SOX5: variants seen among roughly 807,000 people sequenced by gnomAD.
SOX5 encodes transcription factor SOX-5.
A neutral mutation model predicts 92.0 loss-of-function variants in SOX5; 9 were observed. The ratio of observed to expected loss-of-function variants is 0.10; its 90% confidence interval spans 0.06 to 0.17. SOX5 has a LOEUF of 0.17. SOX5 is among the 10% of genes least tolerant of loss of function. The pLI is 1.00. For synonymous variants in SOX5, 344 were observed against 336.3 expected (o/e 1.02, Z -0.25); for missense variants, 642 against 944.5 (o/e 0.68, Z 4.20).
chr12:24,092,523 A>C (rs972859299), intron 4 of SOX5, among the ~76,000 whole-genome samples: 1 of 152,176 alleles, frequency 6.6e-6, no homozygotes, highest in Admixed American at 6.5e-5. Context: ...ATAGATGCTC[A>C]CACCCAAGAA....
chr12:23,741,095 C>T, intron 4 of SOX5, 56 bp from the exon 5 acceptor site: 1 of 1,384,436 alleles, frequency 7.2e-7, no homozygotes, highest in Middle Eastern at 1.9e-4. Context: ...GTAATTATTT[C>T]AATGAAAATG....
chr12:24,476,894 G>A (rs1297065336), intron 1 of SOX5, among the ~76,000 whole-genome samples: 2 of 150,550 alleles, frequency 1.3e-5, no homozygotes, highest in Admixed American at 6.7e-5. Context: ...TGAGCATCGT[G>A]GTTCACACCT....
rs770545081 is a variant in SOX5 at position 24,101,442 on chromosome 12, C to CG, written c.-2+111900dup. 4.8e-4 allele frequency among the ~76,000 whole-genome samples: 73 copies of CG among 152,096 alleles called. 1 individual carries two copies. Among genetic ancestry groups the CG allele is most frequent in the Non-Finnish European group, 1.8e-4 (12 of 67,978 alleles). ...CTTTATTTCCTTCATGACTAACACT[C>CG]GTTTCAATCTACAATTACCTTTTTT... On this transcript the variant is annotated intron_variant, in intron 4 of 4. Coordinates refer to the SOX5 transcript ENST00000446891.
chr12:24,280,645 G>A (rs1278203687), intron 2 of SOX5, among the ~76,000 whole-genome samples: 2 of 152,004 alleles, frequency 1.3e-5, no homozygotes, highest in African/African-American at 2.4e-5. Flanking sequence ...AAGCCCCGGG[G>A]AAACAAAGGG....
rs114867271 is a variant in SOX5 at position 23,970,424 on chromosome 12, C to G, written c.-1-74400G>C. Among the ~76,000 whole-genome samples, 1,049 of 152,184 alleles carry G rather than the reference C, an allele frequency of 6.9e-3. 16 individuals are homozygous for G. Among genetic ancestry groups the G allele is most frequent in the African/African-American group, 0.024 (999 of 41,524 alleles). ...TTTTTCATCGTCCCTAACAGAAACT[C>G]TAACCATTAAGGAATAACACCCCAT... On this transcript the variant is annotated intron_variant, in intron 4 of 4. Transcript: ENST00000446891.
intron 1 of SOX5, among the ~76,000 whole-genome samples, chr12:24,469,957 G>A (rs912321629): frequency 2.0e-5 from 3 of 152,022 alleles, no homozygotes; most frequent in African/African-American, 7.2e-5. Context: ...TGAGATGTTG[G>A]TTTCATGAAA....
At chr12:24,287,880 C>T (rs1008644660) in intron 2 of SOX5, among the ~76,000 whole-genome samples, 4 of 152,028 alleles carry the variant, frequency 2.6e-5, no homozygotes, top group African/African-American at 9.7e-5. Context: ...AGGAAACAGG[C>T]AAGAACCCAA....
rs147059850 is a variant in SOX5, at chr12:23,707,682, G to A, written c.810+27002C>T. ...AAACCTAAAATTAAAGTAATAAAGC[G>A]TTTATTCATTCATTTTAAGGTTACA... On this transcript the variant is annotated intron_variant, in intron 6 of 14. Coordinates refer to ENST00000451604, the MANE Select transcript of SOX5 (RefSeq NM_006940.6). Among the ~76,000 whole-genome samples the A allele has an allele frequency of 5.6e-3, 847 of 152,060 alleles. 7 individuals carry two copies. Among genetic ancestry groups the A allele is most frequent in the South Asian group, 0.019 (94 of 4,826 alleles).
intron 4 of SOX5, among the ~76,000 whole-genome samples, chr12:23,969,593 A>C (rs2140118162): frequency 6.6e-6 from 1 of 152,198 alleles, no homozygotes; most frequent in South Asian, 2.1e-4. Context: ...TCTTTATCCA[A>C]ATTTTTATTT....
rs575719562 is a variant in SOX5 at position 23,927,857 on chromosome 12, G to A, written c.38+21707C>T. On this transcript the variant is annotated intron_variant, in intron 1 of 14. Transcript: ENST00000451604. ...TTTCAGTGTGCTAATATCATGTTCC[G>A]CAAAACATAGAGATCCTCACAAAGT... is the stretch of plus-strand genomic sequence containing the variant. 1.6e-4 allele frequency among the ~76,000 whole-genome samples: 24 copies of A among 152,002 alleles called. No homozygotes were observed. In the East Asian group the frequency reaches 2.9e-3, roughly 18 times the overall value.
At chr12:23,822,512 A>G (rs1399779397) in intron 3 of SOX5, among the ~76,000 whole-genome samples, 1 of 151,902 alleles carries the variant, frequency 6.6e-6, no homozygotes. Context: ...CATTTTTTGC[A>G]TTTGCTGAGG....
At chr12:23,977,663 C>G (rs1262023824) in intron 4 of SOX5, among the ~76,000 whole-genome samples, 31 of 129,552 alleles carry the variant, frequency 2.4e-4, no homozygotes, top group Admixed American at 5.3e-4. Flanking sequence ...CGTTCTGTCT[C>G]AAAAAAAAAA....
At chr12:23,571,367 G>C (rs754190078) in intron 10 of SOX5, among the ~76,000 whole-genome samples, 5 of 151,986 alleles carry the variant, frequency 3.3e-5, no homozygotes, top group Non-Finnish European at 5.9e-5. Context: ...ATGCGTTAAT[G>C]CCTCTGAGGA....
chr12:24,519,865 TAGACTG>T (rs1950112523), intron 1 of SOX5, among the ~76,000 whole-genome samples: 1 of 151,944 alleles, frequency 6.6e-6, no homozygotes. Flanking sequence ...CACAGAAAAC[TAGACTG>T]AGGCACATTA....
chr12:24,025,532 ACT>A (rs1021818642), intron 4 of SOX5, among the ~76,000 whole-genome samples: 3 of 151,700 alleles, frequency 2.0e-5, no homozygotes, highest in Admixed American at 6.6e-5. Flanking sequence ...GAGAACAGTG[ACT>A]CTCTGTCTGG....
chr12:24,409,130 G>GA (rs1401851847), intron 1 of SOX5, among the ~76,000 whole-genome samples: 13 of 152,178 alleles, frequency 8.5e-5, no homozygotes, highest in Admixed American at 5.2e-4. Flanking sequence ...ATACATCATG[G>GA]AATACTATGC....
intron 1 of SOX5, among the ~76,000 whole-genome samples, chr12:24,428,414 C>A (rs960957088): frequency 6.6e-6 from 1 of 152,092 alleles, no homozygotes; most frequent in East Asian, 1.9e-4. Context: ...AGAGAACAGT[C>A]CTTTCATAGC....
intron 8 of SOX5, among the ~76,000 whole-genome samples, chr12:23,608,084 A>G (rs1255765308): frequency 6.8e-6 from 1 of 147,506 alleles, no homozygotes; most frequent in Non-Finnish European, 1.5e-5. Context: ...AGCCTGGGCA[A>G]CATAGTGAGA....
At chr12:23,910,697 C>A (rs1332696816) in intron 1 of SOX5, among the ~76,000 whole-genome samples, 1 of 152,082 alleles carries the variant, frequency 6.6e-6, no homozygotes, top group Non-Finnish European at 1.5e-5. Flanking sequence ...TTATTAAATC[C>A]TCTATTTATC....
Sources: allele counts gnomAD v4.1 joint callset (sites outside exome capture counted in the v4.1 genomes callset), GRCh38; gene constraint gnomAD v4.1.1; transcripts MANE v1.5; gene names NCBI Gene and HGNC (gene_info 2026-07-23, HGNC 2026-07-21).